The following PGD variants were observed in gnomAD, a reference collection of about 807,000 sequenced individuals.
The protein encoded by PGD is phosphogluconate dehydrogenase, also known as 6-phosphogluconate dehydrogenase, decarboxylating.
PGD carries 21 observed loss-of-function variants against 60.4 expected under a neutral mutation model. That is an observed-to-expected ratio of 0.35 (90% confidence interval 0.25 to 0.50). The LOEUF (loss-of-function observed/expected upper bound fraction) is 0.50. PGD is among the 20% of genes least tolerant of loss of function. PGD has a pLI of 0.98. For synonymous variants in PGD, 230 were observed against 235.9 expected (o/e 0.97, Z 0.23); for missense variants, 477 against 613.1 (o/e 0.78, Z 2.34).
intron 8 of PGD, among the ~76,000 whole-genome samples, chr1:10,414,898 C>G (rs1435358881): frequency 1.3e-5 from 2 of 151,554 alleles, no homozygotes; most frequent in Non-Finnish European, 2.9e-5. Flanking sequence ...TGAGTCCAGC[C>G]TGACCAACAT....
At chr1:10,414,325 C>T (rs1369876707) in intron 8 of PGD, among the ~76,000 whole-genome samples, 1 of 151,826 alleles carries the variant, frequency 6.6e-6, no homozygotes, top group African/African-American at 2.4e-5. Context: ...AAACATAAAA[C>T]GAGAGGGGAT....
At chr1:10,409,239 G>A (rs948840888) in intron 6 of PGD, among the ~76,000 whole-genome samples, 3 of 152,156 alleles carry the variant, frequency 2.0e-5, no homozygotes, top group Non-Finnish European at 4.4e-5. Flanking sequence ...TGAGGAATCC[G>A]GGAAGCCCTC....
chr1:10,417,459 C>T lies in PGD; in HGVS notation c.1059C>T (p.Leu353=), dbSNP rs1318796210. ...CAGCCACCGAGTTTGGCTGGACTCT[C>T]AATTATGGTGGCATCGCCCTGATGT... The part of the protein sequence containing the change: ...RQAATEFGWT[L]NYGGIALMWR... Residue 353 remains leucine (L), a synonymous_variant, in exon 10 of 13, where the codon CTC becomes CTT. Transcript: ENST00000270776. 8 of 1,614,004 alleles carry T rather than the reference C, an allele frequency of 5.0e-6. No homozygotes were observed. The highest frequency in any genetic ancestry group is 5.9e-6 in the Non-Finnish European group (7 of 1,179,962).
chr1:10,405,218 C>A (rs1016979564), intron 5 of PGD, among the ~76,000 whole-genome samples: 2 of 151,142 alleles, frequency 1.3e-5, no homozygotes, highest in African/African-American at 4.9e-5. Flanking sequence ...ACTAAAAATA[C>A]AAAAATTAGC....
At chr1:10,417,334 C>T (rs1484345541) in intron 9 of PGD, 42 bp from the exon 10 acceptor site, 1 of 1,573,530 alleles carries the variant, frequency 6.4e-7, no homozygotes, top group Non-Finnish European at 8.6e-7. Context: ...GGCGGTCACT[C>T]TCCTAATGGC....
chr1:10,418,465 TC>T (rs1290070560), intron 10 of PGD, among the ~76,000 whole-genome samples: 1 of 152,078 alleles, frequency 6.6e-6, no homozygotes, highest in Non-Finnish European at 1.5e-5. Context: ...CCAGCTTACT[TC>T]CCTGTTAGAG....
At chr1:10,417,312 T>G (rs771849315) in intron 9 of PGD, 64 bp from the exon 10 acceptor site, 23 of 1,528,026 alleles carry the variant, frequency 1.5e-5, no homozygotes, top group Non-Finnish European at 1.9e-5. Flanking sequence ...AGAATAAGAC[T>G]GGTAGACATA....
At chr1:10,414,372 CAG>C (rs1316640967) in intron 8 of PGD, among the ~76,000 whole-genome samples, 5 of 151,754 alleles carry the variant, frequency 3.3e-5, no homozygotes, top group South Asian at 4.2e-4. Flanking sequence ...GGGTGGTTTT[CAG>C]TGTGTTTGTT....
At position 10,413,868 on chromosome 1, in the gene PGD, G is replaced by T. The variant is rs1168302872; in HGVS notation, c.844+617G>T. ...TGCAGTGAGCTGAGATGGCACCACT[G>T]CACTCCAGCCTGGGTGACAGAGCGA... On this transcript the variant is annotated intron_variant, in intron 8 of 12. Transcript: ENST00000270776. 2.6e-5 allele frequency among the ~76,000 whole-genome samples: 4 copies of T among 151,870 alleles called. No homozygotes were observed. The East Asian group carries it at 5.8e-4, about 22-fold the overall frequency.
In PGD at chr1:10,404,116, T is replaced by C. The variant is rs757697781; in HGVS notation, c.331-45T>C. 2.6e-5 allele frequency: 35 copies of C among 1,334,726 alleles called. No homozygotes were observed. The South Asian group carries it at 4.3e-4, about 16-fold the overall frequency. 82.7% of individuals were successfully genotyped at this position (1,334,726 alleles called of 1,614,324 possible). A position where few individuals can be genotyped will look rare whatever the true frequency, so the allele number is the denominator to read the frequency against. ...GGTAGCATAATGAAACATGGAAGCATAATGAAACATGGAAGCATAATGAAA... is the reference window on the plus strand; with the variant it reads ...GGTAGCATAATGAAACATGGAAGCACAATGAAACATGGAAGCATAATGAAA... On this transcript the variant is annotated intron_variant, in intron 4 of 12. Transcript: ENST00000270776.
chr1:10,419,421 C>G lies in PGD; in HGVS notation c.1214C>G (p.Ser405Cys). ...GGCCGTGCGTTTTGTGCTCAGGACT[C>G]CTGGCGGCGGGCAGTCAGCACTGGG... ...FKSAVENCQD[S>C]WRRAVSTGVQ... is the part of the protein sequence containing the mutation. Residue 405 changes from serine to cysteine, a missense_variant, in exon 12 of 13, where the codon TCC (serine) becomes TGC (cysteine). Around this residue, in one of 3 missense-constraint regions of PGD, gnomAD observed 431 missense variants for 556.6 expected, o/e 0.77. Transcript: ENST00000270776. The G allele has an allele frequency of 6.2e-7, 1 of 1,613,182 alleles. No homozygotes were observed. Among genetic ancestry groups the G allele is most frequent in the Non-Finnish European group, 8.5e-7 (1 of 1,179,762 alleles).
rs758985624 is a variant in PGD at position 10,419,557 on chromosome 1, G to A, written c.1332+18G>A. The stretch of plus-strand genomic sequence containing the variant: ...TCATCCAGGTAAGCCTGTGGAGCAG[G>A]GATTAACCTGGCTGGCCCCTCGGGG... On this transcript the variant is annotated intron_variant, in intron 12 of 12. Transcript: ENST00000270776. 3.7e-6 allele frequency: 6 copies of A among 1,614,000 alleles called. No individual in the cohort carries two copies. The Admixed American group carries it at 8.3e-5, about 22-fold the overall frequency.
chr1:10,418,991 G>GT (rs1353346072), intron 11 of PGD, 66 bp downstream of exon 11: 31 of 893,858 alleles, frequency 3.5e-5, no homozygotes, highest in African/African-American at 2.6e-4. Flanking sequence ...GTGATGTTTG[G>GT]TTTTTTGTTT....
At position 10,403,149 on chromosome 1, in the gene PGD, C is replaced by T; in HGVS notation, c.330+13C>T. The T allele has an allele frequency of 6.4e-7, 1 of 1,569,510 alleles. No individual in the cohort carries two copies. Among genetic ancestry groups the T allele is most frequent in the Non-Finnish European group, 8.8e-7 (1 of 1,139,382 alleles). On this transcript the variant is annotated intron_variant, in intron 4 of 12. Transcript: ENST00000270776. ...TAGGGACACCACAGTAAGTGTTCTTCAGTCCAGATTCTTCCAGGTTCCGAG... is the reference window on the plus strand; with the variant it reads ...TAGGGACACCACAGTAAGTGTTCTTTAGTCCAGATTCTTCCAGGTTCCGAG...
chr1:10,404,093 T>TAGCATAATGAAACATGGA (rs149942399), intron 4 of PGD, 68 bp from the exon 5 acceptor site: 22 of 1,078,208 alleles, frequency 2.0e-5, no homozygotes, highest in Non-Finnish European at 2.6e-5. Context: ...CATTTTTGGG[T>TAGCATAATGAAACATGGA]AGCATAATGA....
chr1:10,399,818 T>C, intron 2 of PGD, 114 bp downstream of exon 2: 1 of 894,804 alleles, frequency 1.1e-6, no homozygotes, highest in East Asian at 2.5e-5. Flanking sequence ...ATGTGCTCTG[T>C]TGCTGCTCGT....
chr1:10,417,455 C>T lies in PGD; in HGVS notation c.1055C>T (p.Thr352Ile). ...CAGGCAGCCACCGAGTTTGGCTGGA[C>T]TCTCAATTATGGTGGCATCGCCCTG... ...LRQAATEFGW[T>I]LNYGGIALMW... Residue 352 changes from threonine (T) to isoleucine (I), a missense_variant, in exon 10 of 13, where the codon ACT becomes ATT. Physicochemically the swap from Thr to Ile is moderately conservative, Grantham distance 89. Coordinates refer to ENST00000270776, the MANE Select transcript of PGD (RefSeq NM_002631.4). 1 of 1,613,998 alleles carries T rather than the reference C, an allele frequency of 6.2e-7. No individual in the cohort carries two copies. Among genetic ancestry groups the T allele is most frequent in the Non-Finnish European group, 8.5e-7 (1 of 1,179,948 alleles).
At chr1:10,407,710 C>A (rs1362557070) in intron 5 of PGD, among the ~76,000 whole-genome samples, 2 of 152,086 alleles carry the variant, frequency 1.3e-5, no homozygotes, top group African/African-American at 4.8e-5. Context: ...CATTGGGTAT[C>A]CACGGTGGGT....
At chr1:10,405,439 A>C (rs564443456) in intron 5 of PGD, among the ~76,000 whole-genome samples, 1 of 111,086 alleles carries the variant, frequency 9.0e-6, no homozygotes, top group African/African-American at 3.3e-5. Flanking sequence ...TATATAAATA[A>C]TTGTGGGCAA....
Sources: gnomAD v4.1 joint callset for allele counts (sites outside exome capture counted in the v4.1 genomes callset) on GRCh38, gnomAD v4.1.1 for gene constraint, gnomAD v4.1.1 regional missense constraint, MANE v1.5 for transcripts, NCBI Gene and HGNC (gene_info 2026-07-23, HGNC 2026-07-21) for gene names.